Variants in GFPT2 observed in about 807,000 individuals in gnomAD.
The protein encoded by GFPT2 is glutamine--fructose-6-phosphate aminotransferase [isomerizing] 2.
GFPT2 carries 62 observed loss-of-function variants against 85.6 expected under a neutral mutation model. The ratio of observed to expected loss-of-function variants is 0.72; its 90% CI spans 0.59 to 0.90. The LOEUF (loss-of-function observed/expected upper bound fraction) is 0.90, where lower values mean the gene tolerates loss of function less well. Among genes scored for constraint, GFPT2 ranks in the 40% least tolerant of loss-of-function variants. The probability of loss-of-function intolerance (pLI) is 0.00; values close to 1 mark genes in which losing one functional copy is unlikely to be tolerated. For synonymous variants in GFPT2, 368 were observed against 344.5 expected (o/e 1.07, Z -0.75); for missense variants, 788 against 893.4 (o/e 0.88, Z 1.50).
chr5:180,347,936 A>G (rs1412960435), intron 1 of GFPT2, among the ~76,000 whole-genome samples: 1 of 151,828 alleles, frequency 6.6e-6, no homozygotes, highest in East Asian at 1.9e-4. Context: ...AATCTCTCCA[A>G]CTTTCCAAGC....
At chr5:180,301,646 A>T (rs764591640) in intron 18 of GFPT2, 38 bp from the exon 19 acceptor site, 1 of 1,558,200 alleles carries the variant, frequency 6.4e-7, no homozygotes, top group African/African-American at 1.4e-5. Flanking sequence ...GACCCCAAAG[A>T]TCTCAGCAAC....
At position 180,353,297 on chromosome 5, in the gene GFPT2, G is replaced by C; in HGVS notation, c.-80C>G. On this transcript the variant is annotated 5_prime_UTR_variant, in exon 1 of 19. Transcript: ENST00000253778. ...CTGGGGCTCCTCCGTGGGCTCCTCC[G>C]TGGGCTCCGTGGGCTCCGTGGGCTC... 7.5e-6 allele frequency: 2 copies of C among 266,496 alleles called. No homozygotes were observed. Among genetic ancestry groups the C allele is most frequent in the Non-Finnish European group, 1.0e-5 (2 of 198,982 alleles). The allele number at this position is 266,496 out of a possible 1,614,324, so 16.5% of individuals were successfully genotyped here. A position where few individuals can be genotyped will look rare whatever the true frequency, so the allele number is the denominator to read the frequency against.
intron 1 of GFPT2, among the ~76,000 whole-genome samples, chr5:180,351,440 C>CA (rs1198281581): frequency 6.6e-6 from 1 of 152,150 alleles, no homozygotes; most frequent in Non-Finnish European, 1.5e-5. Context: ...CCCCCAGCCC[C>CA]AAATCAGCAA....
chr5:180,349,966 TC>T (rs1764680983), intron 1 of GFPT2, among the ~76,000 whole-genome samples: 1 of 151,416 alleles, frequency 6.6e-6, no homozygotes, highest in African/African-American at 2.4e-5. Context: ...GAAGCGCAAA[TC>T]CTTCCTGCCA....
chr5:180,307,241 T>G lies in GFPT2; in HGVS notation c.1609A>C (p.Thr537Pro), dbSNP rs761411762. 44 of 1,613,154 alleles carry G rather than the reference T, an allele frequency of 2.7e-5. No individual in the cohort carries two copies. The highest frequency in any genetic ancestry group is 3.7e-5 in the Non-Finnish European group (44 of 1,179,450). ...CCCATCACCAGCAGCGATCTCTGCG[T>G]GTAGAGCTCCAGGGCCAAGTCGTGG... Reference protein sequence around the residue: ...KIHDLALELYTQRSLLVMGRG... With the variant: ...KIHDLALELYPQRSLLVMGRG... Residue 537 changes from threonine to proline, a missense_variant, in exon 16 of 19, where the codon ACG becomes CCG. Transcript: ENST00000253778.
At chr5:180,331,021 T>C in intron 5 of GFPT2, 187 bp from the exon 6 acceptor site, 1 of 587,880 alleles carries the variant, frequency 1.7e-6, no homozygotes, top group Non-Finnish European at 3.0e-6. Context: ...CCGGAGGCCC[T>C]GAGATCATCC....
intron 1 of GFPT2, among the ~76,000 whole-genome samples, chr5:180,347,268 G>A (rs890467894): frequency 1.3e-5 from 2 of 152,232 alleles, no homozygotes; most frequent in Non-Finnish European, 2.9e-5. Context: ...CCTCTGCAAA[G>A]ATGGCCCTGG....
intron 5 of GFPT2, 115 bp downstream of exon 5, chr5:180,331,380 G>C: frequency 2.9e-6 from 2 of 690,038 alleles, no homozygotes; most frequent in Non-Finnish European, 5.2e-6. Flanking sequence ...ACGTGGCTGA[G>C]TGTGGGTCTC....
intron 8 of GFPT2, 155 bp from the exon 9 acceptor site, chr5:180,324,460 T>C (rs1006451870): frequency 6.6e-6 from 4 of 603,688 alleles, no homozygotes; most frequent in Non-Finnish European, 8.9e-6. Context: ...GATCCCCCAA[T>C]AGCACAGTAC....
At chr5:180,352,886 G>A (rs879015459) in intron 1 of GFPT2, 3 of 449,620 alleles carry the variant, frequency 6.7e-6, no homozygotes, top group African/African-American at 2.1e-5. Context: ...GCATGGGGTG[G>A]GGACCCCTCT....
chr5:180,318,721 C>CAG lies in GFPT2; in HGVS notation c.958+70_958+71dup, dbSNP rs3217233. The CAG allele has an allele frequency of 0.091, 119,600 of 1,311,418 alleles. 6,943 individuals carry two copies. The highest frequency in any genetic ancestry group is 0.21 in the African/African-American group (14,550 of 68,848). The allele number at this position is 1,311,418 out of a possible 1,614,324, so 81.2% of individuals were successfully genotyped here. ...GGCTGTGGCCTCTACTAGGACCAGG[C>CAG]AGAGTGTCAGGAGCTCCACCAGGCG... On this transcript the variant is annotated intron_variant, in intron 10 of 18. Coordinates refer to ENST00000253778, the MANE Select transcript of GFPT2 (RefSeq NM_005110.4). This position sits in a 1 kb window ranked among gnomAD's most constrained non-coding sequence, Gnocchi z 4.2.
intron 17 of GFPT2, among the ~76,000 whole-genome samples, chr5:180,303,457 G>A (rs1581364795): frequency 6.6e-6 from 1 of 152,216 alleles, no homozygotes; most frequent in African/African-American, 2.4e-5. Context: ...CGGGCGCAAT[G>A]AGAGTGGGAC....
chr5:180,343,564 T>C (rs1764558462), intron 1 of GFPT2, among the ~76,000 whole-genome samples: 1 of 152,276 alleles, frequency 6.6e-6, no homozygotes, highest in South Asian at 2.1e-4. Flanking sequence ...GTCACTTCTT[T>C]CATGAAGGAA....
rs749541526 is a variant in GFPT2 at position 180,323,083 on chromosome 5, A to T, written c.794+1105T>A. Among the ~76,000 whole-genome samples, 1 of 152,200 alleles carries T rather than the reference A, an allele frequency of 6.6e-6. No homozygotes were observed. Among genetic ancestry groups the T allele is most frequent in the African/African-American group, 2.4e-5 (1 of 41,458 alleles). On this transcript the variant is annotated intron_variant, in intron 9 of 18. Coordinates refer to ENST00000253778, the MANE Select transcript of GFPT2 (RefSeq NM_005110.4). This position sits in a 1 kb window ranked among gnomAD's most constrained non-coding sequence, Gnocchi z 4.0. ...AAACATCTATCATATTTCATTGAAT[A>T]TAAGTTACTATTGATCGTTAAGATC...
At chr5:180,334,296 C>T (rs557358155) in intron 4 of GFPT2, among the ~76,000 whole-genome samples, 6 of 152,226 alleles carry the variant, frequency 3.9e-5, no homozygotes, top group East Asian at 3.8e-4. Flanking sequence ...TTCTGGGGGA[C>T]GCCTTCCCTT....
At position 180,310,401 on chromosome 5, in the gene GFPT2, C is replaced by T. The variant is rs140363071; in HGVS notation, c.1546+2029G>A. Among the ~76,000 whole-genome samples, 1,040 of 151,282 alleles carry T rather than the reference C, an allele frequency of 6.9e-3. 2 individuals are homozygous for T. The highest frequency in any genetic ancestry group is 0.016 in the Admixed American group (244 of 15,188). On this transcript the variant is annotated intron_variant, in intron 15 of 18. Coordinates refer to ENST00000253778, the MANE Select transcript of GFPT2 (RefSeq NM_005110.4). ...TACAGGCGTGAGCCACTGCGCCTCA[C>T]CATCAAGGCCATTCTTTTTTGTTTT... is the stretch of plus-strand genomic sequence containing the variant.
Position 180,328,574 on chromosome 5 carries a change from G to A in GFPT2, c.535-236C>T, listed in dbSNP as rs1048228003. Reference sequence around the variant, plus strand: ...GTGAATTCCACGGTGAGCGATGTGCGGCTTGCCCAGGCCCACAGGGAGCCC... The same window carrying A: ...GTGAATTCCACGGTGAGCGATGTGCAGCTTGCCCAGGCCCACAGGGAGCCC... On this transcript the variant is annotated intron_variant, in intron 6 of 18. Coordinates refer to ENST00000253778, the MANE Select transcript of GFPT2 (RefSeq NM_005110.4). The surrounding 1 kb of genome is among the most constrained non-coding windows in gnomAD (Gnocchi z 5.4). Among the ~76,000 whole-genome samples the A allele has an allele frequency of 6.6e-6, 1 of 152,238 alleles. No individual in the cohort carries two copies. The highest frequency in any genetic ancestry group is 2.4e-5 in the African/African-American group (1 of 41,464).
intron 9 of GFPT2, among the ~76,000 whole-genome samples, chr5:180,320,047 C>T (rs755814323): frequency 6.6e-6 from 1 of 152,082 alleles, no homozygotes; most frequent in Non-Finnish European, 1.5e-5. Context: ...GGCTGGAGTG[C>T]AGTGGCGCGA....
chr5:180,343,211 A>G (rs1288788634), intron 1 of GFPT2, among the ~76,000 whole-genome samples: 3 of 152,160 alleles, frequency 2.0e-5, no homozygotes, highest in Non-Finnish European at 2.9e-5. Flanking sequence ...CGAGTGCATA[A>G]TGAGTCAGCT....
Sources: gnomAD v4.1 joint callset for allele counts (sites outside exome capture counted in the v4.1 genomes callset) on GRCh38, gnomAD v4.1.1 for gene constraint, Gnocchi (gnomAD v3.1) non-coding constraint, MANE v1.5 for transcripts, NCBI Gene and HGNC (gene_info 2026-07-23, HGNC 2026-07-21) for gene names.